Variants in DNAJC6 observed in about 807,000 individuals in gnomAD.
DNAJC6 encodes the protein auxilin.
A neutral mutation model predicts 110.0 loss-of-function variants in DNAJC6; 34 were observed. The observed-to-expected ratio is 0.31, with a 90% confidence interval of 0.24 to 0.41. The LOEUF (loss-of-function observed/expected upper bound fraction) is 0.41. Among genes scored for constraint, DNAJC6 ranks in the 10% least tolerant of loss-of-function variants. The pLI, the probability that DNAJC6 is intolerant of heterozygous loss-of-function variation, is 1.00. For missense variants in DNAJC6, 1,031 were observed against 1,207.8 expected (o/e 0.85, Z 2.17); for synonymous variants, 406 against 437.2 (o/e 0.93, Z 0.89).
At chr1:65,388,893 G>A (rs1191794115) in intron 9 of DNAJC6, among the ~76,000 whole-genome samples, 2 of 152,168 alleles carry the variant, frequency 1.3e-5, no homozygotes, top group East Asian at 1.9e-4. Flanking sequence ...GGCTAGAGCC[G>A]GGATGGAGTT....
intron 1 of DNAJC6, among the ~76,000 whole-genome samples, chr1:65,270,015 T>C (rs1653455303): frequency 6.6e-6 from 1 of 152,230 alleles, no homozygotes; most frequent in South Asian, 2.1e-4. Flanking sequence ...GGTTTCACTG[T>C]ACACTGAAAC....
Position 65,412,116 on chromosome 1 carries a change from T to G in DNAJC6, c.2811+690T>G, listed in dbSNP as rs535012633. Among the ~76,000 whole-genome samples the G allele has an allele frequency of 2.6e-5, 4 of 152,358 alleles. No individual in the cohort carries two copies. The South Asian group carries it at 8.3e-4, about 32-fold the overall frequency. On this transcript the variant is annotated intron_variant, in intron 18 of 18. Transcript: ENST00000371069. ...TAATGAAAAAGCTTCAGAATGTAGT[T>G]GGTAAAATTTGTGAGAATCAATAAA...
intron 1 of DNAJC6, among the ~76,000 whole-genome samples, chr1:65,275,375 C>T (rs1277030659): frequency 6.6e-6 from 1 of 152,156 alleles, no homozygotes; most frequent in African/African-American, 2.4e-5. Flanking sequence ...AGCAGGTGTT[C>T]CCCCAGCACT....
chr1:65,396,558 C>A (rs1484269547), intron 13 of DNAJC6, among the ~76,000 whole-genome samples: 5 of 152,170 alleles, frequency 3.3e-5, no homozygotes, highest in African/African-American at 1.2e-4. Flanking sequence ...CCTTCACCTC[C>A]TTCAAGTGTT....
chr1:65,345,571 G>T (rs1307344520), intron 1 of DNAJC6: 1 of 767,224 alleles, frequency 1.3e-6, no homozygotes, highest in East Asian at 1.3e-4. Context: ...CAACACGCTA[G>T]TACTAAATAA....
chr1:65,315,993 C>G (rs1372331183), intron 1 of DNAJC6, among the ~76,000 whole-genome samples: 2 of 152,038 alleles, frequency 1.3e-5, no homozygotes, highest in African/African-American at 4.8e-5. Flanking sequence ...TTTAAAAACA[C>G]TGGAAATGAA....
chr1:65,349,198 T>C (rs1050458521), intron 1 of DNAJC6, among the ~76,000 whole-genome samples: 5 of 149,130 alleles, frequency 3.4e-5, no homozygotes, highest in Non-Finnish European at 7.4e-5. Flanking sequence ...TCTTCACTTA[T>C]CACTGTATAC....
intron 16 of DNAJC6, among the ~76,000 whole-genome samples, chr1:65,407,653 C>A (rs1183727402): frequency 6.6e-6 from 1 of 152,118 alleles, no homozygotes; most frequent in East Asian, 1.9e-4. Context: ...TGCCAATTCC[C>A]CTCCATTTTT....
chr1:65,398,305 C>T (rs1645998326), intron 13 of DNAJC6, among the ~76,000 whole-genome samples: 1 of 152,166 alleles, frequency 6.6e-6, no homozygotes, highest in Admixed American at 6.5e-5. Flanking sequence ...ATTCTCAACT[C>T]ATGTCACAGC....
intron 1 of DNAJC6, among the ~76,000 whole-genome samples, chr1:65,267,187 G>A (rs894676681): frequency 2.0e-5 from 3 of 152,078 alleles, no homozygotes; most frequent in Admixed American, 6.5e-5. Flanking sequence ...ATGAGCCACC[G>A]TGCCTGGCCG....
At chr1:65,323,906 C>G (rs1052061995) in intron 1 of DNAJC6, among the ~76,000 whole-genome samples, 1 of 152,086 alleles carries the variant, frequency 6.6e-6, no homozygotes, top group Admixed American at 6.5e-5. Context: ...CCATGCCCAG[C>G]CAATAATGCC....
chr1:65,309,663 A>C lies in DNAJC6; in HGVS notation c.-83A>C. ...GGGCACTTAATTTTTTTTTTTTTTT[A>C]ATTCCTTCTTCAGCCCTTTCCACCT... On this transcript the variant is annotated 5_prime_UTR_variant, in exon 1 of 19. Coordinates refer to ENST00000371069, the MANE Select transcript of DNAJC6 (RefSeq NM_001256864.2). 7.6e-7 allele frequency: 1 copy of C among 1,320,478 alleles called. No homozygotes were observed. The highest frequency in any genetic ancestry group is 9.7e-7 in the Non-Finnish European group (1 of 1,029,026). The allele number at this position is 1,320,478 out of a possible 1,614,324, so 81.8% of individuals were successfully genotyped here. A position where few individuals can be genotyped will look rare whatever the true frequency, so the allele number is the denominator to read the frequency against.
intron 1 of DNAJC6, among the ~76,000 whole-genome samples, chr1:65,291,449 C>T (rs1644874110): frequency 6.6e-6 from 1 of 152,174 alleles, no homozygotes; most frequent in Non-Finnish European, 1.5e-5. Context: ...AGTAATGAAT[C>T]TATAGCATTC....
intron 1 of DNAJC6, among the ~76,000 whole-genome samples, chr1:65,315,042 G>A (rs994851165): frequency 6.6e-6 from 1 of 152,210 alleles, no homozygotes; most frequent in African/African-American, 2.4e-5. Context: ...TCTTTGAACT[G>A]TTCTCATCAG....
At chr1:65,307,016 CTCTA>C (rs1412253118), upstream of DNAJC6, among the ~76,000 whole-genome samples, 354 of 73,608 alleles carry the variant, frequency 4.8e-3, 1 homozygote, top group Admixed American at 9.0e-3. Flanking sequence ...CTCTCTCTCT[CTCTA>C]TATATATATA....
At chr1:65,393,984 T>C (rs1645953606) in intron 12 of DNAJC6, among the ~76,000 whole-genome samples, 1 of 152,184 alleles carries the variant, frequency 6.6e-6, no homozygotes, top group African/African-American at 2.4e-5. Context: ...TGAACTCAGG[T>C]GCCCTGAATC....
intron 1 of DNAJC6, among the ~76,000 whole-genome samples, chr1:65,298,090 A>C (rs1227990478): frequency 1.3e-5 from 2 of 152,154 alleles, no homozygotes; most frequent in Non-Finnish European, 1.5e-5. Flanking sequence ...ATCGAGTAAT[A>C]AAACTCTGAT....
At chr1:65,340,689 T>G (rs1364196837) in intron 1 of DNAJC6, among the ~76,000 whole-genome samples, 1 of 152,178 alleles carries the variant, frequency 6.6e-6, no homozygotes, top group Non-Finnish European at 1.5e-5. Context: ...ATAATCTATA[T>G]GAAGCATTTG....
chr1:65,365,991 C>T (rs922194112), intron 3 of DNAJC6, 57 bp downstream of exon 3: 3 of 1,612,458 alleles, frequency 1.9e-6, no homozygotes, highest in African/African-American at 1.3e-5. Context: ...TGCTGCCCAT[C>T]GTTATAGCAG....
Sources: allele counts gnomAD v4.1 joint callset (sites outside exome capture counted in the v4.1 genomes callset), GRCh38; gene constraint gnomAD v4.1.1; transcripts MANE v1.5; gene names NCBI Gene and HGNC (gene_info 2026-07-23, HGNC 2026-07-21).